Variants in COL22A1 observed in about 807,000 individuals in gnomAD.
COL22A1 encodes collagen type XXII alpha 1 chain.
Under a neutral mutation model 248.9 loss-of-function variants are expected in COL22A1, and 221 were observed. The observed-to-expected ratio is 0.89, with a 90% CI of 0.80 to 0.99. The LOEUF (loss-of-function observed/expected upper bound fraction) is 0.99. Among genes scored for constraint, COL22A1 ranks in the 50% least tolerant of loss-of-function variants. The pLI is 0.00. For missense variants in COL22A1, 2,240 were observed against 2,179.0 expected (o/e 1.03, Z -0.56); for synonymous variants, 891 against 793.4 (o/e 1.12, Z -2.07).
In COL22A1 at chr8:138,662,090, AAAAAG is replaced by A. The variant is rs1258317121; in HGVS notation, c.3187-12_3187-8del. The stretch of plus-strand genomic sequence containing the variant: ...CAGGTAAGCCTCGTGATCCCTGAAG[AAAAAG>A]AAAAGAAGACACTGACACCCTACAA... On this transcript the variant is annotated splice_region_variant and splice_polypyrimidine_tract_variant and intron_variant, in intron 42 of 64. Transcript: ENST00000303045. 3.7e-6 allele frequency: 6 copies of A among 1,611,694 alleles called. No homozygotes were observed. The highest frequency in any genetic ancestry group is 5.1e-6 in the Non-Finnish European group (6 of 1,178,846).
At chr8:138,825,723 T>G (rs2131781167) in intron 6 of COL22A1, 1 of 152,300 alleles carries the variant, frequency 6.6e-6, no homozygotes, top group South Asian at 2.1e-4. Flanking sequence ...GTCCAATTGC[T>G]TGAGCATGCT....
intron 3 of COL22A1, among the ~76,000 whole-genome samples, chr8:138,871,183 C>A (rs1047936508): frequency 1.3e-5 from 2 of 152,162 alleles, no homozygotes; most frequent in Admixed American, 6.5e-5. Context: ...CTGCCGTCCC[C>A]TGGGACATGT....
chr8:138,817,083 G>A (rs1586816937), intron 7 of COL22A1, among the ~76,000 whole-genome samples: 1 of 152,212 alleles, frequency 6.6e-6, no homozygotes, highest in Admixed American at 6.5e-5. Context: ...GGAAGTGAAG[G>A]TGCAGACAGG....
At chr8:138,711,384 T>G (rs1828952382) in intron 30 of COL22A1, among the ~76,000 whole-genome samples, 1 of 152,214 alleles carries the variant, frequency 6.6e-6, no homozygotes, top group African/African-American at 2.4e-5. Context: ...AAATTGTCAA[T>G]TATCACATAT....
intron 3 of COL22A1, among the ~76,000 whole-genome samples, chr8:138,853,011 C>T (rs114739136): frequency 0.081 from 12,156 of 150,496 alleles, 530 homozygotes; most frequent in Non-Finnish European, 0.093. Flanking sequence ...TATATATATA[C>T]ATGCACATAC....
chr8:138,780,553 G>T (rs1019218017), intron 13 of COL22A1, among the ~76,000 whole-genome samples: 1 of 152,172 alleles, frequency 6.6e-6, no homozygotes, highest in African/African-American at 2.4e-5. Flanking sequence ...CACATAGGGT[G>T]TGGGGTGTTG....
At chr8:138,858,781 A>G (rs576918069) in intron 3 of COL22A1, among the ~76,000 whole-genome samples, 1 of 152,288 alleles carries the variant, frequency 6.6e-6, no homozygotes, top group East Asian at 1.9e-4. Flanking sequence ...CTGCTTCCCT[A>G]CATGGATTGT....
chr8:138,589,428 TCC>T lies in COL22A1; in HGVS notation c.4704_4705del (p.Glu1569ThrfsTer5), dbSNP rs767961999. Reference sequence around the variant, plus strand: ...AAGTCCATCTTTAGCATAGCCAGGTTCCCCGGGTTGACCTGGCCCAAGGAGCA... The same window carrying T: ...AAGTCCATCTTTAGCATAGCCAGGTTCCGGGTTGACCTGGCCCAAGGAGCA... On this transcript the variant is annotated frameshift_variant, in exon 65 of 65. Transcript: ENST00000303045. LOFTEE classifies it high-confidence loss of function. The T allele has an allele frequency of 1.9e-6, 3 of 1,561,752 alleles. No individual in the cohort carries two copies. The African/African-American group carries it at 4.2e-5, about 22-fold the overall frequency.
intron 15 of COL22A1, among the ~76,000 whole-genome samples, chr8:138,777,035 C>A (rs2131503091): frequency 6.6e-6 from 1 of 152,334 alleles, no homozygotes; most frequent in Admixed American, 6.5e-5. Context: ...CAGGCAGCAA[C>A]CAGCAGGCCA....
intron 41 of COL22A1, among the ~76,000 whole-genome samples, chr8:138,674,364 C>A (rs1825326490): frequency 1.3e-5 from 2 of 151,990 alleles, no homozygotes; most frequent in South Asian, 4.1e-4. Context: ...CTCCTCCACA[C>A]ACCTTTGCTT....
chr8:138,690,321 G>T (rs1023649744), intron 36 of COL22A1, among the ~76,000 whole-genome samples: 1 of 152,092 alleles, frequency 6.6e-6, no homozygotes, highest in Non-Finnish European at 1.5e-5. Flanking sequence ...CTTGGGCCTC[G>T]ACATGGAAAA....
At chr8:138,594,379 AC>A (rs893543952) in intron 62 of COL22A1, among the ~76,000 whole-genome samples, 180 bp from the exon 63 acceptor site, 3 of 152,006 alleles carry the variant, frequency 2.0e-5, no homozygotes, top group African/African-American at 7.3e-5. Flanking sequence ...TGCAGAAACA[AC>A]ATCAATGACA....
chr8:138,630,261 CT>C (rs918329571), intron 50 of COL22A1, among the ~76,000 whole-genome samples: 2 of 152,170 alleles, frequency 1.3e-5, no homozygotes, highest in Non-Finnish European at 2.9e-5. Flanking sequence ...CCATTCTCCT[CT>C]TTTGAACAGT....
chr8:138,676,685 G>A (rs183577021), intron 40 of COL22A1, 50 bp from the exon 41 acceptor site: 1 of 1,302,126 alleles, frequency 7.7e-7, no homozygotes, highest in East Asian at 2.5e-5. Context: ...AGGAAGGAGA[G>A]GGCTAGGGTA....
chr8:138,806,570 A>G (rs953574301), intron 10 of COL22A1, among the ~76,000 whole-genome samples: 1 of 152,154 alleles, frequency 6.6e-6, no homozygotes, highest in East Asian at 1.9e-4. Context: ...AGCATCGCTC[A>G]GGCGAGTCAT....
chr8:138,813,028 G>C lies in COL22A1; in HGVS notation c.1246-9C>G, dbSNP rs1193572826. 1.2e-6 allele frequency: 2 copies of C among 1,611,504 alleles called. No homozygotes were observed. The highest frequency in any genetic ancestry group is 1.7e-6 in the Non-Finnish European group (2 of 1,177,644). ...ATCCGCTGTAGGTCAAACTGGAAAG[G>C]AAAGCAAGGAGAGAGGATAAGTTTT... On this transcript the variant is annotated splice_polypyrimidine_tract_variant and intron_variant, in intron 7 of 64. Transcript: ENST00000303045.
intron 54 of COL22A1, 32 bp downstream of exon 54, chr8:138,616,882 G>C (rs769307760): frequency 9.3e-6 from 15 of 1,612,516 alleles, no homozygotes; most frequent in South Asian, 1.1e-5. Context: ...CTGCCCACCT[G>C]GGGGGACCTC....
chr8:138,596,960 G>A lies in COL22A1; in HGVS notation c.4376C>T (p.Pro1459Leu). 1.9e-6 allele frequency: 3 copies of A among 1,613,886 alleles called. No homozygotes were observed. The highest frequency in any genetic ancestry group is 2.5e-6 in the Non-Finnish European group (3 of 1,179,830). The change falls in exon 62 of 65, where the codon CCA becomes CTA. Residue 1459 changes from proline to leucine, a missense_variant. Physicochemically the swap from Pro to Leu is moderately conservative, Grantham distance 98. Transcript: ENST00000303045. ...PGFPGLRGES[P>L]SMETLRRLIQ... ...AAGCCGACGCAGGGTTTCCATGGAT[G>A]GAGACTCCCCCTAGGAGGGAGGGAA...
intron 22 of COL22A1, among the ~76,000 whole-genome samples, chr8:138,737,973 TA>T (rs1165739123): frequency 1.3e-5 from 2 of 152,106 alleles, no homozygotes; most frequent in African/African-American, 2.4e-5. Flanking sequence ...TGGTAAGCCT[TA>T]CACACGCACA....
Sources: allele counts gnomAD v4.1 joint callset (sites outside exome capture counted in the v4.1 genomes callset), GRCh38; gene constraint gnomAD v4.1.1; transcripts MANE v1.5; gene names NCBI Gene and HGNC (gene_info 2026-07-23, HGNC 2026-07-21).